Variants in MYLK observed in about 807,000 individuals in gnomAD.
The protein encoded by MYLK is myosin light chain kinase.
In MYLK, 106 loss-of-function variants were observed where a neutral mutation model predicts 203.4. That is an observed-to-expected ratio of 0.52 (90% confidence interval 0.45 to 0.61). MYLK has a LOEUF of 0.61. Ranked by LOEUF, MYLK falls within the 20% of genes least tolerant of loss-of-function variation. MYLK has a pLI of 0.00. For synonymous variants in MYLK, 867 were observed against 959.5 expected, an observed-to-expected ratio of 0.90 and a Z score of 1.78; for missense variants, 2,072 against 2,442.3, an observed-to-expected ratio of 0.85 and a Z score of 3.20.
chr3:123,709,818 T>C lies in MYLK; in HGVS notation c.1880A>G (p.Gln627Arg). Residue 627 changes from glutamine (Q) to arginine (R), a missense_variant, in exon 14 of 34, where the codon CAG (glutamine) becomes CGG (arginine). This residue lies in a region of MYLK where 865 missense variants were observed against 1,016.0 expected (regional missense o/e 0.85). Transcript: ENST00000360304. ...PSKPTAPIFL[Q>R]GLSDLKVMDG... is the part of the protein sequence containing the mutation. ...CATGACTTTGAGATCAGAGAGGCCC[T>C]GCAGGAAGATGGGTGCAGTGGGCTT... The C allele has an allele frequency of 6.2e-7, 1 of 1,614,212 alleles. No homozygotes were observed. The highest frequency in any genetic ancestry group is 8.5e-7 in the Non-Finnish European group (1 of 1,180,036).
chr3:123,838,220 A>G (rs1310785479), intron 2 of MYLK, among the ~76,000 whole-genome samples: 1 of 152,176 alleles, frequency 6.6e-6, no homozygotes, highest in Non-Finnish European at 1.5e-5. Flanking sequence ...CTCATCTGAA[A>G]AAGTGCAAAC....
chr3:123,741,883 A>G (rs1422797879), intron 5 of MYLK, among the ~76,000 whole-genome samples: 6 of 152,102 alleles, frequency 3.9e-5, no homozygotes, highest in Non-Finnish European at 7.3e-5. Context: ...TCCTCAGCAC[A>G]CTCCAAATGG....
chr3:123,697,591 C>G (rs1173932035), intron 18 of MYLK, among the ~76,000 whole-genome samples: 1 of 152,134 alleles, frequency 6.6e-6, no homozygotes, highest in Non-Finnish European at 1.5e-5. Flanking sequence ...AGCTCTGTTA[C>G]CCCCAGCACC....
At chr3:123,634,198 G>C (rs546668003) in intron 29 of MYLK, among the ~76,000 whole-genome samples, 2 of 152,218 alleles carry the variant, frequency 1.3e-5, no homozygotes, top group East Asian at 3.9e-4. Context: ...AGGAAGCAGC[G>C]ACCTGGGGTT....
At chr3:123,657,533 A>C in intron 23 of MYLK, 105 bp from the exon 24 acceptor site, 2 of 1,137,258 alleles carry the variant, frequency 1.8e-6, no homozygotes, top group Non-Finnish European at 2.6e-6. Context: ...AGAGAACCCA[A>C]TCCAAAGTCC....
At chr3:123,694,812 A>T (rs1054344514) in intron 18 of MYLK, among the ~76,000 whole-genome samples, 9 of 152,214 alleles carry the variant, frequency 5.9e-5, no homozygotes, top group African/African-American at 2.2e-4. Flanking sequence ...GGGCTTGGGG[A>T]GGCCCCCCTA....
Position 123,640,522 on chromosome 3 carries a change from C to G in MYLK, c.4620-18G>C, listed in dbSNP as rs41305835. 6.2e-7 allele frequency: 1 copy of G among 1,613,146 alleles called. No homozygotes were observed. ...CTGACACGCTGCGGGAACACGTGCA[C>G]GGGGTGGTCAGGCCACAGGCTCATG... On this transcript the variant is annotated intron_variant, in intron 27 of 33. Transcript: ENST00000360304. This position sits in a 1 kb window ranked among gnomAD's most constrained non-coding sequence, Gnocchi z 4.3.
chr3:123,731,532 G>T lies in MYLK; in HGVS notation c.1516+1364C>A, dbSNP rs141641415. 2.4e-3 allele frequency among the ~76,000 whole-genome samples: 371 copies of T among 152,174 alleles called. 2 individuals carry two copies. In the Middle Eastern group the frequency reaches 0.031, roughly 13 times the overall value. ...ATGTTGTCTGGCATTCTACTATATG[G>T]ATACATCACTAACTCTTTTTTTCTT... On this transcript the variant is annotated intron_variant, in intron 11 of 33. Coordinates refer to ENST00000360304, the MANE Select transcript of MYLK (RefSeq NM_053025.4).
chr3:123,659,709 T>C, intron 23 of MYLK: 2 of 518,050 alleles, frequency 3.9e-6, no homozygotes, highest in Non-Finnish European at 7.7e-6. Context: ...CAGATGTCCT[T>C]AGAACAGGGA....
At chr3:123,799,582 C>A (rs77649274) in intron 3 of MYLK, among the ~76,000 whole-genome samples, 12,208 of 152,148 alleles carry the variant, frequency 0.08, 576 homozygotes, top group Middle Eastern at 0.14. Flanking sequence ...GCAGGCTCCG[C>A]AGTCTACCGT....
At chr3:123,632,013 G>T (rs1416254759) in intron 29 of MYLK, among the ~76,000 whole-genome samples, 1 of 151,944 alleles carries the variant, frequency 6.6e-6, no homozygotes, top group Admixed American at 6.6e-5. Flanking sequence ...GGGACTACAG[G>T]TGCCCACCAC....
At chr3:123,769,617 G>A (rs914325674) in intron 4 of MYLK, among the ~76,000 whole-genome samples, 1 of 152,198 alleles carries the variant, frequency 6.6e-6, no homozygotes, top group Admixed American at 6.5e-5. Flanking sequence ...AAGTCATGCT[G>A]TTATGCTCTC....
chr3:123,761,200 T>C (rs924205539), intron 4 of MYLK, among the ~76,000 whole-genome samples: 1 of 152,204 alleles, frequency 6.6e-6, no homozygotes, highest in Non-Finnish European at 1.5e-5. Flanking sequence ...ACTCAGACAC[T>C]GGCCACAGAT....
chr3:123,664,616 C>CAA (rs2059675902), intron 22 of MYLK, among the ~76,000 whole-genome samples: 1 of 152,226 alleles, frequency 6.6e-6, no homozygotes, highest in African/African-American at 2.4e-5. Context: ...AGATCCACTC[C>CAA]AGTGGGTTCT....
intron 2 of MYLK, among the ~76,000 whole-genome samples, chr3:123,837,045 T>C (rs1012971775): frequency 2.6e-5 from 4 of 152,162 alleles, no homozygotes; most frequent in Non-Finnish European, 5.9e-5. Context: ...TAACATTTCT[T>C]TTTATTTTTT....
At chr3:123,618,107 C>A (rs1308235118) in intron 33 of MYLK, 1 of 170,894 alleles carries the variant, frequency 5.9e-6, no homozygotes, top group African/African-American at 2.4e-5. Context: ...TCACATATGT[C>A]CCCTCACAGA....
In MYLK at chr3:123,732,886, G is replaced by A; in HGVS notation, c.1516+10C>T. 6.2e-7 allele frequency: 1 copy of A among 1,613,172 alleles called. No homozygotes were observed. The highest frequency in any genetic ancestry group is 1.7e-5 in the Admixed American group (1 of 60,022). ...AGAGAATGCGGGGTGACCTGGAGAA[G>A]TGTACTCACTTTCCACTTGGAGGGT... On this transcript the variant is annotated intron_variant, in intron 11 of 33. Coordinates refer to ENST00000360304, the MANE Select transcript of MYLK (RefSeq NM_053025.4).
chr3:123,739,050 T>A lies in MYLK; in HGVS notation c.435A>T (p.Ser145=). The A allele has an allele frequency of 1.2e-6, 2 of 1,613,782 alleles. No homozygotes were observed. Among genetic ancestry groups the A allele is most frequent in the South Asian group, 2.2e-5 (2 of 90,924 alleles). ...VVSKTLGDRF[S]APAVETRPSI... ...TAGGACGGGTCTCCACTGCTGGAGC[T>A]GAAAATCTATCCCTGTAAGGAAATT... is the stretch of plus-strand genomic sequence containing the variant. The change falls in exon 7 of 34, where the codon TCA becomes TCT. Residue 145 remains serine, a synonymous_variant. Transcript: ENST00000360304.
chr3:123,774,577 G>T (rs1394788765), intron 4 of MYLK, among the ~76,000 whole-genome samples: 1 of 152,178 alleles, frequency 6.6e-6, no homozygotes, highest in African/African-American at 2.4e-5. Flanking sequence ...TACTTTTCAG[G>T]GGAGTCAAAC....
Sources: gnomAD v4.1 joint callset for allele counts (sites outside exome capture counted in the v4.1 genomes callset) on GRCh38, gnomAD v4.1.1 for gene constraint, gnomAD v4.1.1 regional missense constraint, Gnocchi (gnomAD v3.1) non-coding constraint, MANE v1.5 for transcripts, NCBI Gene and HGNC (gene_info 2026-07-23, HGNC 2026-07-21) for gene names.